AKAP13: variants seen among roughly 807,000 people sequenced by gnomAD.
AKAP13 encodes A-kinase anchor protein 13.
AKAP13 carries 80 observed loss-of-function variants against 264.5 expected under a neutral mutation model. That is an observed-to-expected ratio of 0.30 (90% confidence interval 0.25 to 0.36). The LOEUF (loss-of-function observed/expected upper bound fraction) is 0.36. AKAP13 is among the 10% of genes least tolerant of loss of function. AKAP13 has a pLI of 1.00. For synonymous variants in AKAP13, 1,380 were observed against 1,250.2 expected, an observed-to-expected ratio of 1.10 and a Z score of -2.19; for missense variants, 3,712 against 3,435.2, an observed-to-expected ratio of 1.08 and a Z score of -2.01.
chr15:85,651,270 G>A (rs138254902), intron 10 of AKAP13, among the ~76,000 whole-genome samples: 236 of 152,166 alleles, frequency 1.6e-3, no homozygotes, highest in African/African-American at 5.4e-3. Flanking sequence ...GTGAACACCC[G>A]TATACCCACT....
chr15:85,436,457 C>T (rs1234893765), intron 1 of AKAP13, among the ~76,000 whole-genome samples: 12 of 143,514 alleles, frequency 8.4e-5, no homozygotes, highest in African/African-American at 3.1e-4. Context: ...CAGCTCTGCA[C>T]CAAGCGGACC....
At chr15:85,632,076 G>GGTGTA (rs1197536282) in intron 8 of AKAP13, among the ~76,000 whole-genome samples, 1 of 152,130 alleles carries the variant, frequency 6.6e-6, no homozygotes, top group Non-Finnish European at 1.5e-5. Flanking sequence ...TATACTAATT[G>GGTGTA]TTAATGTGGT....
At chr15:85,657,558 C>T (rs1173482642) in intron 11 of AKAP13, among the ~76,000 whole-genome samples, 6 of 152,090 alleles carry the variant, frequency 3.9e-5, no homozygotes, top group Non-Finnish European at 8.8e-5. Context: ...TAGTCAAATG[C>T]CGTTTCTATA....
At position 85,727,335 on chromosome 15, in the gene AKAP13, T is replaced by G; in HGVS notation, c.7005-46T>G. 9 of 1,613,820 alleles carry G rather than the reference T, an allele frequency of 5.6e-6. No individual in the cohort carries two copies. Among genetic ancestry groups the G allele is most frequent in the Non-Finnish European group, 7.6e-6 (9 of 1,179,784 alleles). On this transcript the variant is annotated intron_variant, in intron 28 of 36. Transcript: ENST00000394518. This position sits in a 1 kb window ranked among gnomAD's most constrained non-coding sequence, Gnocchi z 5.3. Reference sequence around the variant, plus strand: ...CAGGCTGGACTGTGACCAGAGTAATTGACATCTTAGGAATTTTTTGTTCTG... The same window carrying G: ...CAGGCTGGACTGTGACCAGAGTAATGGACATCTTAGGAATTTTTTGTTCTG...
rs191870785 is a variant in AKAP13 at position 85,682,848 on chromosome 15, G to A, written c.5156+636G>A. Among the ~76,000 whole-genome samples the A allele has an allele frequency of 1.7e-3, 257 of 152,208 alleles. 1 individual carries two copies. The highest frequency in any genetic ancestry group is 3.7e-3 in the Admixed American group (57 of 15,280). ...ATGCCCAGCTAATTTTGTATTTTTAGTAGGGATGGGGTTTCTCCATGTTGG... is the reference window on the plus strand; with the variant it reads ...ATGCCCAGCTAATTTTGTATTTTTAATAGGGATGGGGTTTCTCCATGTTGG... On this transcript the variant is annotated intron_variant, in intron 15 of 36. Transcript: ENST00000394518.
chr15:85,512,113 G>A (rs1011101109), intron 2 of AKAP13, among the ~76,000 whole-genome samples: 1 of 151,720 alleles, frequency 6.6e-6, no homozygotes, highest in Non-Finnish European at 1.5e-5. Flanking sequence ...TTAATATTCG[G>A]CATAAGCTCA....
chr15:85,400,982 C>T (rs2071396917), intron 1 of AKAP13, among the ~76,000 whole-genome samples: 1 of 151,912 alleles, frequency 6.6e-6, no homozygotes, highest in African/African-American at 2.4e-5. Context: ...CTGCCTCAAC[C>T]TCCCAAGTAG....
chr15:85,615,038 G>C (rs947923510), intron 8 of AKAP13, among the ~76,000 whole-genome samples: 1 of 152,118 alleles, frequency 6.6e-6, no homozygotes, highest in Non-Finnish European at 1.5e-5. Flanking sequence ...AAAGCTGTTG[G>C]TAATTTTAGT....
In AKAP13 at chr15:85,445,335, A is replaced by G. The variant is rs372370722; in HGVS notation, c.-11-40375A>G. Among the ~76,000 whole-genome samples the G allele has an allele frequency of 1.4e-4, 21 of 152,294 alleles. No homozygotes were observed. In the East Asian group the frequency reaches 3.5e-3, roughly 25 times the overall value. On this transcript the variant is annotated intron_variant, in intron 1 of 36. Coordinates refer to ENST00000394518, the MANE Select transcript of AKAP13 (RefSeq NM_007200.5). ...TTGCATTTCGAGAGCTCACAGTGGGAGTTACAGGCTTTGATGGTATCACTG... is the reference window on the plus strand; with the variant it reads ...TTGCATTTCGAGAGCTCACAGTGGGGGTTACAGGCTTTGATGGTATCACTG...
intron 23 of AKAP13, among the ~76,000 whole-genome samples, 171 bp downstream of exon 23, chr15:85,719,497 A>C (rs2087147695): frequency 6.6e-6 from 1 of 152,204 alleles, no homozygotes; most frequent in African/African-American, 2.4e-5. Context: ...AAATGCAGAC[A>C]GTAGGGTTTC....
chr15:85,459,352 A>ATT (rs557848037), intron 1 of AKAP13, among the ~76,000 whole-genome samples: 88 of 130,668 alleles, frequency 6.7e-4, no homozygotes, highest in Non-Finnish European at 9.8e-4. Context: ...CGCCCGGCTA[A>ATT]TTTTTTTTTT....
In AKAP13 at chr15:85,749,013, TGGGATGCGCAG is replaced by T. The variant is rs1387924493; in HGVS notation, c.*4341_*4351del. The T allele has an allele frequency of 6.6e-6, 1 of 152,302 alleles. No homozygotes were observed. Among genetic ancestry groups the T allele is most frequent in the Non-Finnish European group, 1.5e-5 (1 of 68,144 alleles). 9.4% of individuals were successfully genotyped at this position (152,302 alleles called of 1,614,324 possible). ...GGTCTCCTGTGTGCTGCTGCCCGCA[TGGGATGCGCAG>T]GGGAGGCGTGGGGATCCGCAGGAGG... On this transcript the variant is annotated 3_prime_UTR_variant, in exon 37 of 37. Coordinates refer to ENST00000394518, the MANE Select transcript of AKAP13 (RefSeq NM_007200.5).
At chr15:85,674,006 T>G (rs2084076491) in intron 14 of AKAP13, among the ~76,000 whole-genome samples, 1 of 152,066 alleles carries the variant, frequency 6.6e-6, no homozygotes. Flanking sequence ...GATCCCTTTC[T>G]ATGGCTGTAT....
At chr15:85,400,640 A>G (rs960532722) in intron 1 of AKAP13, among the ~76,000 whole-genome samples, 1 of 152,060 alleles carries the variant, frequency 6.6e-6, no homozygotes, top group African/African-American at 2.4e-5. Context: ...CAATCATAAT[A>G]TTTGTGAAGG....
chr15:85,731,556 CGTAA>C (rs911827395), intron 30 of AKAP13, among the ~76,000 whole-genome samples: 7 of 152,040 alleles, frequency 4.6e-5, no homozygotes, highest in East Asian at 1.9e-4. Context: ...GATTCAGAGG[CGTAA>C]TTAATTACTC....
intron 8 of AKAP13, among the ~76,000 whole-genome samples, chr15:85,589,810 A>G (rs940208664): frequency 2.6e-5 from 4 of 152,046 alleles, no homozygotes; most frequent in South Asian, 2.1e-4. Context: ...TGCCTAATAA[A>G]TACTTGTGCA....
chr15:85,503,407 C>T (rs1376418405), intron 2 of AKAP13, among the ~76,000 whole-genome samples: 2 of 152,194 alleles, frequency 1.3e-5, no homozygotes, highest in Non-Finnish European at 2.9e-5. Flanking sequence ...GCCCCCAAAG[C>T]AATGCTGTCC....
Position 85,741,106 on chromosome 15 carries a change from G to T in AKAP13, c.7669G>T (p.Ala2557Ser). Residue 2557 changes from alanine (A) to serine (S), a missense_variant, in exon 35 of 37, where the codon GCG becomes TCG. By Grantham distance (99) the Ala-to-Ser change is moderately conservative. Transcript: ENST00000394518. ...EDQKLVLSER[A>S]LTRSLSRPSS... ...CCAGAAACTGGTGCTGAGCGAGAGG[G>T]CGCTCACTCGCAGCTTGTCCCGCCC... 1 of 1,613,648 alleles carries T rather than the reference G, an allele frequency of 6.2e-7. No individual in the cohort carries two copies. Among genetic ancestry groups the T allele is most frequent in the Non-Finnish European group, 8.5e-7 (1 of 1,179,862 alleles).
At position 85,664,733 on chromosome 15, in the gene AKAP13, A is replaced by G; in HGVS notation, c.4970A>G (p.Glu1657Gly). 6.2e-7 allele frequency: 1 copy of G among 1,613,058 alleles called. No homozygotes were observed. The highest frequency in any genetic ancestry group is 2.2e-5 in the East Asian group (1 of 44,878). The change falls in exon 13 of 37, where the codon GAA (glutamate) becomes GGA (glycine). Residue 1657 changes from glutamate to glycine, a missense_variant. Transcript: ENST00000394518. ...SEEDLESDQR[E>G]HRMFDQQICH... is the part of the protein sequence containing the mutation. ...GAGGATCTGGAGTCAGACCAGAGAG[A>G]ACATAGGATGTTTGATCAGCAGGTA... is the stretch of plus-strand genomic sequence containing the variant.
Sources: gnomAD v4.1 joint callset for allele counts (sites outside exome capture counted in the v4.1 genomes callset) on GRCh38, gnomAD v4.1.1 for gene constraint, Gnocchi (gnomAD v3.1) non-coding constraint, MANE v1.5 for transcripts, NCBI Gene and HGNC (gene_info 2026-07-23, HGNC 2026-07-21) for gene names.